CCDC175: variants seen among roughly 807,000 people sequenced by gnomAD.
CCDC175 encodes the protein coiled-coil domain-containing protein 175.
Under a neutral mutation model 114.6 loss-of-function variants are expected in CCDC175, and 100 were observed. The ratio of observed to expected loss-of-function variants is 0.87; its 90% CI spans 0.74 to 1.03. The LOEUF (loss-of-function observed/expected upper bound fraction) is 1.03. Among genes scored for constraint, CCDC175 ranks in the 50% least tolerant of loss-of-function variants. The pLI, the probability that CCDC175 is intolerant of heterozygous loss-of-function variation, is 0.00. For synonymous variants in CCDC175, 306 were observed against 308.7 expected (o/e 0.99, Z 0.09); for missense variants, 880 against 917.8 (o/e 0.96, Z 0.53).
At chr14:59,556,001 G>A (rs1156766373) in intron 7 of CCDC175, among the ~76,000 whole-genome samples, 2 of 152,290 alleles carry the variant, frequency 1.3e-5, no homozygotes, top group East Asian at 3.9e-4. Flanking sequence ...CCATGCTCAT[G>A]GATAGGTAGA....
rs762635700 is a variant in CCDC175 at position 59,545,145 on chromosome 14, G to A, written c.1172+18C>T. 56 of 1,532,028 alleles carry A rather than the reference G, an allele frequency of 3.7e-5. No individual in the cohort carries two copies. Among genetic ancestry groups the A allele is most frequent in the Admixed American group, 9.9e-5 (5 of 50,570 alleles). 94.9% of individuals were successfully genotyped at this position (1,532,028 alleles called of 1,614,324 possible). A position where few individuals can be genotyped will look rare whatever the true frequency, so the allele number is the denominator to read the frequency against. ...ATAATGATGGCATGTTGAATCACACGTGTGGGTAAAGACATACTCATCATG... is the reference window on the plus strand; with the variant it reads ...ATAATGATGGCATGTTGAATCACACATGTGGGTAAAGACATACTCATCATG... On this transcript the variant is annotated intron_variant, in intron 9 of 19. Coordinates refer to ENST00000537690, the MANE Select transcript of CCDC175 (RefSeq NM_001164399.2).
intron 2 of CCDC175, 32 bp downstream of exon 2, chr14:59,574,911 T>G: frequency 2.6e-6 from 3 of 1,150,766 alleles, no homozygotes; most frequent in Admixed American, 2.5e-5. Flanking sequence ...TGTGGAAGAT[T>G]GAAGAAATGG....
At chr14:59,568,520 T>A in intron 3 of CCDC175, 140 bp from the exon 4 acceptor site, 1 of 649,540 alleles carries the variant, frequency 1.5e-6, no homozygotes. Context: ...CCTTGGTCCC[T>A]CTCAATCTTA....
intron 16 of CCDC175, 85 bp from the exon 17 acceptor site, chr14:59,521,761 A>C (rs1893440556): frequency 1.3e-6 from 1 of 769,014 alleles, no homozygotes. Flanking sequence ...AACATGTATA[A>C]ATTCCTCCTC....
In CCDC175 at chr14:59,551,452, G is replaced by T. The variant is rs1256660240; in HGVS notation, c.954-16C>A. On this transcript the variant is annotated splice_polypyrimidine_tract_variant and intron_variant, in intron 7 of 19. Transcript: ENST00000537690. ...GAAAAAACACCTATGAACAAAGGAA[G>T]CCAAACAGATTCATATAAGAACATA... The T allele has an allele frequency of 7.7e-7, 1 of 1,293,910 alleles. No homozygotes were observed. The highest frequency in any genetic ancestry group is 1.5e-5 in the South Asian group (1 of 68,766). The allele number at this position is 1,293,910 out of a possible 1,614,324, so 80.2% of individuals were successfully genotyped here. A position where few individuals can be genotyped will look rare whatever the true frequency, so the allele number is the denominator to read the frequency against.
intron 7 of CCDC175, among the ~76,000 whole-genome samples, chr14:59,560,193 T>C (rs972767564): frequency 6.6e-6 from 1 of 152,174 alleles, no homozygotes; most frequent in African/African-American, 2.4e-5. Context: ...CATTGTACTC[T>C]ACAAATCCTG....
Position 59,568,358 on chromosome 14 carries a change from T to A in CCDC175, c.378A>T (p.Arg126Ser). The change falls in exon 4 of 20, where the codon AGA becomes AGT. Residue 126 changes from arginine (R) to serine (S), a missense_variant. Physicochemically the swap from Arg to Ser is moderately radical, Grantham distance 110 (BLOSUM62 -1). Coordinates refer to ENST00000537690, the MANE Select transcript of CCDC175 (RefSeq NM_001164399.2). ...ELEECVRDAR[R>S]LNLFEINTIK... Reference sequence around the variant, plus strand: ...TTGTATTTATCTCAAAAAGATTTAATCTGCGAGCGTCTCGGACACATTCTT... The same window carrying A: ...TTGTATTTATCTCAAAAAGATTTAAACTGCGAGCGTCTCGGACACATTCTT... The A allele has an allele frequency of 6.5e-7, 1 of 1,527,954 alleles. No individual in the cohort carries two copies. Among genetic ancestry groups the A allele is most frequent in the Non-Finnish European group, 8.7e-7 (1 of 1,144,040 alleles). The allele number at this position is 1,527,954 out of a possible 1,614,324, so 94.6% of individuals were successfully genotyped here. A position where few individuals can be genotyped will look rare whatever the true frequency, so the allele number is the denominator to read the frequency against.
intron 13 of CCDC175, among the ~76,000 whole-genome samples, chr14:59,536,505 C>T (rs74059547): frequency 0.012 from 1,880 of 152,066 alleles, 40 homozygotes; most frequent in African/African-American, 0.043. Context: ...GCCTGTTTTT[C>T]AGCATTTAGA....
chr14:59,573,806 T>C (rs569989758), intron 2 of CCDC175, among the ~76,000 whole-genome samples: 59 of 151,958 alleles, frequency 3.9e-4, no homozygotes, highest in African/African-American at 1.4e-3. Flanking sequence ...AGAGATGGAG[T>C]TTCACCATGT....
intron 17 of CCDC175, 70 bp from the exon 18 acceptor site, chr14:59,511,873 T>C (rs1892774394): frequency 1.7e-6 from 2 of 1,188,546 alleles, no homozygotes; most frequent in Non-Finnish European, 2.3e-6. Flanking sequence ...AGTCGTGTTA[T>C]TCATTTTTGT....
At chr14:59,556,061 A>G (rs941135830) in intron 7 of CCDC175, among the ~76,000 whole-genome samples, 3 of 152,236 alleles carry the variant, frequency 2.0e-5, no homozygotes, top group African/African-American at 7.2e-5. Flanking sequence ...TATAGATTCA[A>G]TGCCATCCCC....
At chr14:59,561,265 T>G in intron 6 of CCDC175, 37 bp from the exon 7 acceptor site, 1 of 1,120,824 alleles carries the variant, frequency 8.9e-7, no homozygotes. Flanking sequence ...CATCCAATCA[T>G]CACCAAGTGA....
intron 16 of CCDC175, among the ~76,000 whole-genome samples, chr14:59,524,043 T>C (rs1030264099): frequency 3.9e-5 from 6 of 152,062 alleles, no homozygotes; most frequent in Non-Finnish European, 7.4e-5. Context: ...TAGCAGTTAT[T>C]CCCATTTTAA....
chr14:59,561,516 T>C (rs866472368), intron 6 of CCDC175, among the ~76,000 whole-genome samples: 1 of 152,198 alleles, frequency 6.6e-6, no homozygotes, highest in Non-Finnish European at 1.5e-5. Flanking sequence ...ATTAACTTTG[T>C]CTAACACTTA....
At chr14:59,566,729 T>G (rs1355045300) in intron 4 of CCDC175, among the ~76,000 whole-genome samples, 2 of 152,150 alleles carry the variant, frequency 1.3e-5, no homozygotes, top group African/African-American at 4.8e-5. Flanking sequence ...CTGTATCTAG[T>G]TTTTGAAATT....
intron 13 of CCDC175, among the ~76,000 whole-genome samples, chr14:59,535,443 A>G (rs947460516): frequency 1.3e-5 from 2 of 152,164 alleles, no homozygotes; most frequent in Admixed American, 6.5e-5. Flanking sequence ...CCTGTTCATG[A>G]CTCAAAGGGG....
chr14:59,562,167 T>A (rs1266379622), intron 6 of CCDC175, among the ~76,000 whole-genome samples: 1 of 152,254 alleles, frequency 6.6e-6, no homozygotes, highest in South Asian at 2.1e-4. Flanking sequence ...TAGGGATACA[T>A]GCTGAAGGCC....
At chr14:59,525,159 G>C (rs1893671519) in intron 16 of CCDC175, 123 bp downstream of exon 16, 1 of 711,268 alleles carries the variant, frequency 1.4e-6, no homozygotes, top group Admixed American at 4.2e-5. Flanking sequence ...GCACTTTTCT[G>C]TGTGTACTTT....
intron 4 of CCDC175, 37 bp downstream of exon 4, chr14:59,568,208 C>T: frequency 6.6e-7 from 1 of 1,506,226 alleles, no homozygotes; most frequent in Non-Finnish European, 8.8e-7. Flanking sequence ...AGCCTCAGAC[C>T]CCTGCTCCCT....
Sources: allele counts gnomAD v4.1 joint callset (sites outside exome capture counted in the v4.1 genomes callset), GRCh38; gene constraint gnomAD v4.1.1; transcripts MANE v1.5; gene names NCBI Gene and HGNC (gene_info 2026-07-23, HGNC 2026-07-21).